The following TRPM2 variants were observed in gnomAD, a reference collection of about 807,000 sequenced individuals.
TRPM2 encodes transient receptor potential cation channel subfamily M member 2, also known as estrogen-responsive element-associated gene 1 protein.
In TRPM2, 161 loss-of-function variants were observed where a neutral mutation model predicts 174.0. The ratio of observed to expected loss-of-function variants is 0.93; its 90% CI spans 0.81 to 1.05. The LOEUF (loss-of-function observed/expected upper bound fraction) is 1.05. Ranked by LOEUF, TRPM2 falls within the 50% of genes least tolerant of loss-of-function variation. TRPM2 has a pLI of 0.00. For synonymous variants in TRPM2, 954 were observed against 861.3 expected, an observed-to-expected ratio of 1.11 and a Z score of -1.88; for missense variants, 2,057 against 2,038.0, an observed-to-expected ratio of 1.01 and a Z score of -0.18.
chr21:44,435,482 T>A (rs1304858224), intron 28 of TRPM2, among the ~76,000 whole-genome samples: 1 of 151,878 alleles, frequency 6.6e-6, no homozygotes, highest in Non-Finnish European at 1.5e-5. Flanking sequence ...TTCCTGCCGG[T>A]CCCTGCCCAT....
At chr21:44,393,986 C>A (rs1342447768) in intron 11 of TRPM2, among the ~76,000 whole-genome samples, 1 of 152,060 alleles carries the variant, frequency 6.6e-6, no homozygotes, top group Non-Finnish European at 1.5e-5. Context: ...GAGTCTCTTG[C>A]CTAAGCCTCC....
At chr21:44,406,842 T>TGGGA in intron 19 of TRPM2, 77 bp downstream of exon 19, 1 of 1,518,254 alleles carries the variant, frequency 6.6e-7, no homozygotes, top group South Asian at 1.2e-5. Flanking sequence ...GCCGCATGAG[T>TGGGA]GGGAGTGAGG....
At chr21:44,380,384 T>C (rs2048843988) in intron 8 of TRPM2, among the ~76,000 whole-genome samples, 1 of 152,200 alleles carries the variant, frequency 6.6e-6, no homozygotes, top group Admixed American at 6.5e-5. Context: ...CTTTCCTTCC[T>C]TCCCGGTGCC....
At chr21:44,357,327 G>A (rs1247316878) in intron 2 of TRPM2, among the ~76,000 whole-genome samples, 1 of 152,216 alleles carries the variant, frequency 6.6e-6, no homozygotes, top group Admixed American at 6.5e-5. Context: ...AGAGAGGAAG[G>A]GGTGCTGACC....
At chr21:44,365,787 C>T (rs45455599) in intron 3 of TRPM2, among the ~76,000 whole-genome samples, 1,962 of 152,308 alleles carry the variant, frequency 0.013, 38 homozygotes, top group African/African-American at 0.032. Context: ...CCCTGTACTG[C>T]AGCAGGTCTG....
At position 44,376,087 on chromosome 21, in the gene TRPM2, T is replaced by A. The variant is rs928656884; in HGVS notation, c.952+74T>A. On this transcript the variant is annotated intron_variant, in intron 6 of 31. Transcript: ENST00000397928. The surrounding 1 kb of genome is among the most constrained non-coding windows in gnomAD (Gnocchi z 4.2). ...TGGTCAGAGTGTCAGGTACAGCTGG[T>A]CACGACCAGGACGTTCAACAGGCCT... The A allele has an allele frequency of 7.8e-6, 12 of 1,541,962 alleles. No individual in the cohort carries two copies. Among genetic ancestry groups the A allele is most frequent in the Admixed American group, 7.4e-5 (4 of 53,736 alleles).
rs768326379 is a variant in TRPM2 at position 44,401,728 on chromosome 21, C to T, written c.2369C>T (p.Ala790Val). 6.2e-7 allele frequency: 1 copy of T among 1,613,510 alleles called. No homozygotes were observed. The highest frequency in any genetic ancestry group is 8.5e-7 in the Non-Finnish European group (1 of 1,179,984). ...GGCACCCCCGCGGCCCGCGCCCGTG[C>T]CTTCTTCACCGCACCCGTGGTGGTC... ...DVGTPAARAR[A>V]FFTAPVVVFH... The change falls in exon 16 of 32, where the codon GCC becomes GTC. Residue 790 changes from alanine (A) to valine (V), a missense_variant. By Grantham distance (64) the Ala-to-Val change is moderately conservative. Transcript: ENST00000397928.
chr21:44,407,405 C>T lies in TRPM2; in HGVS notation c.2962+640C>T, dbSNP rs28450701. On this transcript the variant is annotated intron_variant, in intron 19 of 31. Coordinates refer to ENST00000397928, the MANE Select transcript of TRPM2 (RefSeq NM_003307.4). ...CCTCCCAAAGTGCTGAGATTACAGGCGTGAGCCACCATGCCTGCCAGAGAG... is the reference window on the plus strand; with the variant it reads ...CCTCCCAAAGTGCTGAGATTACAGGTGTGAGCCACCATGCCTGCCAGAGAG... 1.1e-4 allele frequency among the ~76,000 whole-genome samples: 16 copies of T among 142,108 alleles called. No individual in the cohort carries two copies. In the South Asian group the frequency reaches 2.3e-3, roughly 20 times the overall value. The allele number at this position is 142,108 out of a possible 152,430, so 93.2% of individuals were successfully genotyped here.
chr21:44,405,283 C>T lies in TRPM2; in HGVS notation c.2657+23C>T, dbSNP rs780432667. Reference sequence around the variant, plus strand: ...CAGGTGAGTGGCCTCACCCCGATGGCGGGCCCGTCTGAGGCAGCCAGCCCT... The same window carrying T: ...CAGGTGAGTGGCCTCACCCCGATGGTGGGCCCGTCTGAGGCAGCCAGCCCT... On this transcript the variant is annotated intron_variant, in intron 17 of 31. Transcript: ENST00000397928. 59 of 1,610,056 alleles carry T rather than the reference C, an allele frequency of 3.7e-5. No individual in the cohort carries two copies. In the Middle Eastern group the frequency reaches 8.3e-4, roughly 23 times the overall value.
chr21:44,369,210 G>A lies in TRPM2; in HGVS notation c.638G>A (p.Gly213Asp). The A allele has an allele frequency of 6.2e-7, 1 of 1,613,084 alleles. No individual in the cohort carries two copies. The highest frequency in any genetic ancestry group is 8.5e-7 in the Non-Finnish European group (1 of 1,179,686). Reference sequence around the variant, plus strand: ...ATCATCACAGGGGGGTCCCACACCGGCGTCATGAAGCAGGTAGGCGAGGCG... The same window carrying A: ...ATCATCACAGGGGGGTCCCACACCGACGTCATGAAGCAGGTAGGCGAGGCG... ...AWIITGGSHTGVMKQVGEAVR... is the reference protein window; with the variant it reads ...AWIITGGSHTDVMKQVGEAVR... The change falls in exon 5 of 32, where the codon GGC becomes GAC. Residue 213 changes from glycine (G) to aspartate (D), a missense_variant. Transcript: ENST00000397928.
chr21:44,418,105 C>G lies in TRPM2; in HGVS notation c.3325C>G (p.Leu1109Val). 4 of 1,609,036 alleles carry G rather than the reference C, an allele frequency of 2.5e-6. No individual in the cohort carries two copies. The highest frequency in any genetic ancestry group is 3.4e-6 in the Non-Finnish European group (4 of 1,177,740). ...GACTCCGGCCAAGAGGCACAAGCAG[C>G]TCAGTATGCCAGCCCCAGTGCCTCT... ...LKTPAKRHKQ[L>V]KNKLEKNEEA... is the part of the protein sequence containing the mutation. Residue 1109 changes from leucine (L) to valine (V), a missense_variant, in exon 21 of 32, where the codon CTC becomes GTC. Leu to Val is a conservative substitution (Grantham distance 32, BLOSUM62 1). Transcript: ENST00000397928.
intron 16 of TRPM2, among the ~76,000 whole-genome samples, chr21:44,404,071 G>A (rs777380604): frequency 1.3e-5 from 2 of 150,362 alleles, no homozygotes; most frequent in Non-Finnish European, 2.9e-5. Context: ...ATATGCACAT[G>A]AACAAACATG....
intron 7 of TRPM2, 152 bp from the exon 8 acceptor site, chr21:44,378,845 G>C (rs2048786242): frequency 1.3e-6 from 1 of 799,626 alleles, no homozygotes; most frequent in South Asian, 1.7e-5. Flanking sequence ...CCCAGAGCAG[G>C]GGACGCCACG....
chr21:44,362,084 G>A (rs1434738438), intron 2 of TRPM2, among the ~76,000 whole-genome samples: 3 of 152,160 alleles, frequency 2.0e-5, no homozygotes, highest in African/African-American at 7.2e-5. Flanking sequence ...ATATAATACA[G>A]CTTATCACAA....
Position 44,440,787 on chromosome 21 carries a change from A to G in TRPM2, c.4270-2A>G. Reference sequence around the variant, plus strand: ...CGGGCTTACCCTGCCCTGCCCATCCAGGTGTACAAAGGCTACATGGATGAC... The same window carrying G: ...CGGGCTTACCCTGCCCTGCCCATCCGGGTGTACAAAGGCTACATGGATGAC... On this transcript the variant is annotated splice_acceptor_variant, in intron 30 of 31. Transcript: ENST00000397928. LOFTEE classifies it high-confidence loss of function. The G allele has an allele frequency of 6.2e-7, 1 of 1,613,152 alleles. No individual in the cohort carries two copies. The highest frequency in any genetic ancestry group is 1.3e-5 in the African/African-American group (1 of 75,040).
At position 44,395,516 on chromosome 21, in the gene TRPM2, A is replaced by G; in HGVS notation, c.1897A>G (p.Asn633Asp). The change falls in exon 12 of 32, where the codon AAC becomes GAC. Residue 633 changes from asparagine (N) to aspartate (D), a missense_variant. Asn to Asp is a conservative substitution (Grantham distance 23, BLOSUM62 1). Coordinates refer to ENST00000397928, the MANE Select transcript of TRPM2 (RefSeq NM_003307.4). ...RDLLIWAIVQ[N>D]RRELAGIIWA... is the part of the protein sequence containing the mutation. Reference sequence around the variant, plus strand: ...CCTTCTCATTTGGGCCATTGTCCAGAACCGTCGGGAGCTGGCAGGAATCAT... The same window carrying G: ...CCTTCTCATTTGGGCCATTGTCCAGGACCGTCGGGAGCTGGCAGGAATCAT... 1 of 1,613,092 alleles carries G rather than the reference A, an allele frequency of 6.2e-7. No individual in the cohort carries two copies. The highest frequency in any genetic ancestry group is 8.5e-7 in the Non-Finnish European group (1 of 1,179,944).
At chr21:44,379,319 C>A (rs2048806227) in intron 8 of TRPM2, 122 bp downstream of exon 8, 1 of 1,199,664 alleles carries the variant, frequency 8.3e-7, no homozygotes, top group East Asian at 2.4e-5. Flanking sequence ...TGAGTGGGTG[C>A]CAGAGCGATT....
At chr21:44,370,719 G>A (rs1359481518) in intron 5 of TRPM2, among the ~76,000 whole-genome samples, 1 of 152,262 alleles carries the variant, frequency 6.6e-6, no homozygotes, top group African/African-American at 2.4e-5. Flanking sequence ...CTTCCTTTGC[G>A]TCAGAATCAT....
At chr21:44,411,411 G>A (rs368760673) in intron 19 of TRPM2, among the ~76,000 whole-genome samples, 2 of 152,082 alleles carry the variant, frequency 1.3e-5, no homozygotes, top group Admixed American at 6.6e-5. Flanking sequence ...TGACTGGTAT[G>A]TAGACATACA....
Sources: gnomAD v4.1 joint callset for allele counts (sites outside exome capture counted in the v4.1 genomes callset) on GRCh38, gnomAD v4.1.1 for gene constraint, Gnocchi (gnomAD v3.1) non-coding constraint, MANE v1.5 for transcripts, NCBI Gene and HGNC (gene_info 2026-07-23, HGNC 2026-07-21) for gene names.